The following KIAA1549 variants were observed in gnomAD, a reference collection of about 807,000 sequenced individuals.
The protein encoded by KIAA1549 is KIAA1549, also known as UPF0606 protein KIAA1549.
In KIAA1549, 70 loss-of-function variants were observed where a neutral mutation model predicts 156.4. That is an observed-to-expected ratio of 0.45 (90% CI 0.37 to 0.55). The LOEUF is 0.55. Ranked by LOEUF, KIAA1549 falls within the 20% of genes least tolerant of loss-of-function variation. KIAA1549 has a pLI of 0.00. For missense variants in KIAA1549, 2,428 were observed against 2,540.9 expected (o/e 0.96, Z 0.96); for synonymous variants, 1,103 against 1,066.4 (o/e 1.03, Z -0.67).
intron 1 of KIAA1549, among the ~76,000 whole-genome samples, chr7:138,957,429 T>TCCCCTC (rs1418685132): frequency 2.7e-4 from 39 of 145,846 alleles, no homozygotes; most frequent in East Asian, 8.1e-4. Flanking sequence ...TTATTCTTCT[T>TCCCCTC]CCCCTCCCCC....
At chr7:138,915,086 G>A (rs1812279712) in intron 2 of KIAA1549, among the ~76,000 whole-genome samples, 1 of 152,132 alleles carries the variant, frequency 6.6e-6, no homozygotes, top group Non-Finnish European at 1.5e-5. Context: ...ACATTTCCAA[G>A]CATAATTACC....
chr7:138,975,567 G>A (rs1036116438), intron 1 of KIAA1549, among the ~76,000 whole-genome samples: 4 of 152,106 alleles, frequency 2.6e-5, no homozygotes, highest in Admixed American at 6.5e-5. Context: ...TTCTTACACC[G>A]AGGAGGAAAC....
chr7:138,954,839 C>A (rs1424449027), intron 1 of KIAA1549, among the ~76,000 whole-genome samples: 4 of 152,006 alleles, frequency 2.6e-5, no homozygotes, highest in Non-Finnish European at 4.4e-5. Flanking sequence ...TGGGGAGGAC[C>A]AAAGAGAAGG....
At chr7:138,980,883 G>T (rs1814524500) in intron 1 of KIAA1549, among the ~76,000 whole-genome samples, 200 bp downstream of exon 1, 1 of 152,222 alleles carries the variant, frequency 6.6e-6, no homozygotes. Context: ...GAAGCCGCTC[G>T]CTTGTTCGTT....
At chr7:138,916,009 C>A (rs1420610357) in intron 2 of KIAA1549, among the ~76,000 whole-genome samples, 1 of 152,210 alleles carries the variant, frequency 6.6e-6, no homozygotes, top group Non-Finnish European at 1.5e-5. Flanking sequence ...CTGCTAGCAA[C>A]CCAGGCTGTG....
chr7:138,856,759 T>G (rs1291859768), intron 16 of KIAA1549, among the ~76,000 whole-genome samples: 1 of 152,194 alleles, frequency 6.6e-6, no homozygotes, highest in Non-Finnish European at 1.5e-5. Context: ...TAGAACATAC[T>G]GTAATAGTTA....
At chr7:138,867,904 C>T in intron 15 of KIAA1549, 71 bp downstream of exon 15, 1 of 1,529,014 alleles carries the variant, frequency 6.5e-7, no homozygotes, top group Non-Finnish European at 9.0e-7. Flanking sequence ...GCTGCTTCTC[C>T]TCCCCTTTCA....
intron 16 of KIAA1549, among the ~76,000 whole-genome samples, chr7:138,859,049 A>G (rs1215117867): frequency 1.3e-5 from 2 of 150,314 alleles, no homozygotes; most frequent in East Asian, 3.9e-4. Context: ...ACACACACAC[A>G]CACGAACAGA....
intron 6 of KIAA1549, among the ~76,000 whole-genome samples, chr7:138,905,980 T>C (rs1239615389): frequency 6.6e-6 from 1 of 152,334 alleles, no homozygotes; most frequent in South Asian, 2.1e-4. Flanking sequence ...AGTCAAACTT[T>C]CCTGCGGCCC....
intron 2 of KIAA1549, among the ~76,000 whole-genome samples, 200 bp downstream of exon 2, chr7:138,916,548 G>C (rs1430164990): frequency 1.3e-5 from 2 of 152,176 alleles, no homozygotes; most frequent in African/African-American, 4.8e-5. Flanking sequence ...TTGTTTAATG[G>C]GTGAGGCAGC....
chr7:138,834,841 T>C lies in KIAA1549; in HGVS notation c.*3065A>G, dbSNP rs7781673. ...CCTCCTCACAGGACATCTGCACACA[T>C]GATCACATCTGATTCTCACAACTAC... is the stretch of plus-strand genomic sequence containing the variant. On this transcript the variant is annotated 3_prime_UTR_variant, in exon 20 of 20. Transcript: ENST00000422774. The C allele has an allele frequency of 7.5e-3, 1,739 of 232,320 alleles. 30 individuals carry two copies. The highest frequency in any genetic ancestry group is 0.035 in the African/African-American group (1,601 of 45,380). 14.4% of individuals were successfully genotyped at this position (232,320 alleles called of 1,614,324 possible). A position where few individuals can be genotyped will look rare whatever the true frequency, so the allele number is the denominator to read the frequency against.
Position 138,896,297 on chromosome 7 carries a change from G to C in KIAA1549, c.3848-1771C>G, listed in dbSNP as rs138212816. Reference sequence around the variant, plus strand: ...TGCTCAAAGACGTAATAACAAAAAGGGTTCTTGGTGCTGGTTTAACTTTGG... The same window carrying C: ...TGCTCAAAGACGTAATAACAAAAAGCGTTCTTGGTGCTGGTTTAACTTTGG... On this transcript the variant is annotated intron_variant, in intron 9 of 19. Coordinates refer to ENST00000422774, the MANE Select transcript of KIAA1549 (RefSeq NM_001164665.2). Among the ~76,000 whole-genome samples the C allele has an allele frequency of 3.9e-5, 6 of 152,276 alleles. No individual in the cohort carries two copies. The South Asian group carries it at 6.2e-4, about 16-fold the overall frequency.
At chr7:138,863,728 G>C (rs770038829) in intron 15 of KIAA1549, among the ~76,000 whole-genome samples, 6 of 152,134 alleles carry the variant, frequency 3.9e-5, no homozygotes, top group Non-Finnish European at 7.4e-5. Context: ...GATGGGGTAG[G>C]TGCTCTTCTC....
chr7:138,893,382 G>C (rs1811595906), intron 10 of KIAA1549, among the ~76,000 whole-genome samples: 1 of 151,882 alleles, frequency 6.6e-6, no homozygotes, highest in African/African-American at 2.4e-5. Flanking sequence ...ATAGGGAGTG[G>C]GGGGAGGTAT....
In KIAA1549 at chr7:138,917,811, G is replaced by A; in HGVS notation, c.1815C>T (p.Asp605=). The change falls in exon 2 of 20, where the codon GAC becomes GAT. Residue 605 remains aspartate, a synonymous_variant. Transcript: ENST00000422774. ...VPSVESSLFS[D]QERSSFSEHK... ...GCTCAGAAAAACTGGAACGTTCTTG[G>A]TCAGAGAAAAGTGAAGACTCCACTG... is the stretch of plus-strand genomic sequence containing the variant. The A allele has an allele frequency of 1.3e-6, 2 of 1,592,210 alleles. No individual in the cohort carries two copies. Among genetic ancestry groups the A allele is most frequent in the South Asian group, 2.3e-5 (2 of 87,486 alleles).
At position 138,934,635 on chromosome 7, in the gene KIAA1549, T is replaced by C. The variant is rs80072162; in HGVS notation, c.188-15197A>G. 4.9e-3 allele frequency among the ~76,000 whole-genome samples: 747 copies of C among 152,240 alleles called. 11 individuals carry two copies. The highest frequency in any genetic ancestry group is 0.017 in the African/African-American group (715 of 41,544). ...ATCCCCGCCCACCTGGAGGAGCCAT[T>C]TCACATTCCTGGGTCTCAGGTCCTT... On this transcript the variant is annotated intron_variant, in intron 1 of 19. Transcript: ENST00000422774.
chr7:138,954,406 A>G (rs541575067), intron 1 of KIAA1549, among the ~76,000 whole-genome samples: 80 of 152,240 alleles, frequency 5.3e-4, no homozygotes, highest in African/African-American at 1.9e-3. Context: ...TTGGGTGGGT[A>G]CTGGGGTTAG....
chr7:138,861,076 G>C, intron 16 of KIAA1549, 63 bp downstream of exon 16: 1 of 1,529,616 alleles, frequency 6.5e-7, no homozygotes, highest in Non-Finnish European at 9.0e-7. Context: ...TGAAAGTCAG[G>C]CAGTCAGGCA....
chr7:138,961,027 C>T (rs890616375), intron 1 of KIAA1549, among the ~76,000 whole-genome samples: 14 of 152,210 alleles, frequency 9.2e-5, no homozygotes, highest in Non-Finnish European at 1.9e-4. Flanking sequence ...GACAGAAGGG[C>T]CCCTTGCAGG....
Sources: gnomAD v4.1 joint callset for allele counts (sites outside exome capture counted in the v4.1 genomes callset) on GRCh38, gnomAD v4.1.1 for gene constraint, MANE v1.5 for transcripts, NCBI Gene and HGNC (gene_info 2026-07-23, HGNC 2026-07-21) for gene names.